Variants in EXD3 observed in about 807,000 individuals in gnomAD.
The protein encoded by EXD3 is exonuclease 3'-5' domain containing 3, also known as exonuclease mut-7 homolog.
EXD3 carries 92 observed loss-of-function variants against 98.0 expected under a neutral mutation model. The observed-to-expected ratio is 0.94, with a 90% confidence interval of 0.79 to 1.12. The LOEUF (loss-of-function observed/expected upper bound fraction) is 1.12, where lower values mean the gene tolerates loss of function less well. Ranked by LOEUF, EXD3 falls within the 50% of genes most tolerant of loss-of-function variation. The pLI is 0.00. For missense variants in EXD3, 1,222 were observed against 1,191.6 expected, an observed-to-expected ratio of 1.03 and a Z score of -0.38; for synonymous variants, 569 against 526.0, an observed-to-expected ratio of 1.08 and a Z score of -1.12.
chr9:137,351,512 C>T lies in EXD3; in HGVS notation c.1190G>A (p.Gly397Asp), dbSNP rs1405699962. ...CACAGGTGTCCACTCCACGTCTACACCAACCACTTGGTGGCACTGCGGGCA... is the reference window on the plus strand; with the variant it reads ...CACAGGTGTCCACTCCACGTCTACATCAACCACTTGGTGGCACTGCGGGCA... Reference protein sequence around the residue: ...GALLQCHQVVGVDVEWTPVFV... With the variant: ...GALLQCHQVVDVDVEWTPVFV... Residue 397 changes from glycine to aspartate, a missense_variant, in exon 13 of 22, where the codon GGT (glycine) becomes GAT (aspartate). Coordinates refer to ENST00000340951, the MANE Select transcript of EXD3 (RefSeq NM_017820.5). 1 of 1,591,596 alleles carries T rather than the reference C, an allele frequency of 6.3e-7. No homozygotes were observed. The highest frequency in any genetic ancestry group is 8.5e-7 in the Non-Finnish European group (1 of 1,170,598).
chr9:137,321,779 G>A lies in EXD3; in HGVS notation c.2184+1946C>T, dbSNP rs537566185. Among the ~76,000 whole-genome samples the A allele has an allele frequency of 2.3e-3, 355 of 152,288 alleles. 1 individual carries two copies. The highest frequency in any genetic ancestry group is 3.4e-3 in the Middle Eastern group (1 of 294). ...ATTGATGTGGCCCTAACTGCGGAAC[G>A]TTCTGGAAGCAGCCCGTACCCTCCA... is the stretch of plus-strand genomic sequence containing the variant. On this transcript the variant is annotated intron_variant, in intron 19 of 21. Coordinates refer to ENST00000340951, the MANE Select transcript of EXD3 (RefSeq NM_017820.5).
chr9:137,308,563 C>CG, intron 20 of EXD3, among the ~76,000 whole-genome samples: 1 of 151,852 alleles, frequency 6.6e-6, no homozygotes, highest in East Asian at 1.9e-4. Context: ...CCTCGCTCTC[C>CG]GGGGTGTGCT....
At chr9:137,398,017 A>T (rs1416203246) in intron 1 of EXD3, among the ~76,000 whole-genome samples, 3 of 152,260 alleles carry the variant, frequency 2.0e-5, no homozygotes, top group Admixed American at 2.0e-4. Flanking sequence ...AATGAAGATT[A>T]TATGAAACTA....
At chr9:137,373,363 G>A in intron 4 of EXD3, 63 bp downstream of exon 4, 1 of 1,554,274 alleles carries the variant, frequency 6.4e-7, no homozygotes. Flanking sequence ...TGGATGCCGG[G>A]TCCACTATGC....
chr9:137,402,129 C>T (rs1218014114), intron 1 of EXD3, among the ~76,000 whole-genome samples: 1 of 152,156 alleles, frequency 6.6e-6, no homozygotes, highest in East Asian at 1.9e-4. Context: ...GATTCTCTTG[C>T]CTCAGCCTCC....
At chr9:137,357,070 C>T (rs1036232001) in intron 7 of EXD3, among the ~76,000 whole-genome samples, 2 of 152,208 alleles carry the variant, frequency 1.3e-5, no homozygotes, top group African/African-American at 4.8e-5. Context: ...GTTCCCTTAG[C>T]ACAGGCAGGC....
chr9:137,363,283 CTTT>C (rs113879712), intron 7 of EXD3, among the ~76,000 whole-genome samples: 1 of 122,326 alleles, frequency 8.2e-6, no homozygotes, highest in African/African-American at 3.1e-5. Flanking sequence ...TTGGGCTGCG[CTTT>C]TTTTTTTTTA....
At chr9:137,361,752 A>G in intron 7 of EXD3, among the ~76,000 whole-genome samples, 1 of 151,220 alleles carries the variant, frequency 6.6e-6, no homozygotes, top group African/African-American at 2.4e-5. Flanking sequence ...TCTTAAAAAA[A>G]AAAAAAAAAA....
intron 17 of EXD3, among the ~76,000 whole-genome samples, chr9:137,330,104 GGAGCTA>G (rs1832933461): frequency 1.8e-5 from 1 of 54,830 alleles, no homozygotes; most frequent in Non-Finnish European, 3.7e-5. Context: ...GGGCTCCACA[GGAGCTA>G]CACAGGAGCT....
chr9:137,395,540 G>A lies in EXD3; in HGVS notation c.-47-136C>T. On this transcript the variant is annotated intron_variant, in intron 1 of 21. Coordinates refer to ENST00000340951, the MANE Select transcript of EXD3 (RefSeq NM_017820.5). The surrounding 1 kb of genome is among the most constrained non-coding windows in gnomAD (Gnocchi z 6.5). ...CCCAAGTGGGACCCCCAGTCGCTGA[G>A]CATAGCGGGCAGCTCCACACTCCTC... is the stretch of plus-strand genomic sequence containing the variant. 1 of 744,168 alleles carries A rather than the reference G, an allele frequency of 1.3e-6. No homozygotes were observed. Among genetic ancestry groups the A allele is most frequent in the African/African-American group, 1.8e-5 (1 of 56,742 alleles). 46.1% of individuals were successfully genotyped at this position (744,168 alleles called of 1,614,324 possible).
At chr9:137,338,484 C>A (rs1200803203) in intron 17 of EXD3, among the ~76,000 whole-genome samples, 1 of 151,776 alleles carries the variant, frequency 6.6e-6, no homozygotes, top group Non-Finnish European at 1.5e-5. Context: ...GAAACAAACC[C>A]AAGAAAGCAA....
chr9:137,328,485 A>ACGAATATACACTCATATGATG (rs1336695260), intron 17 of EXD3, among the ~76,000 whole-genome samples: 1 of 151,746 alleles, frequency 6.6e-6, no homozygotes, highest in Non-Finnish European at 1.5e-5. Context: ...AGTAAAAACA[A>ACGAATATACACTCATATGATG]AAGTAAAAAC....
rs1019684674 is a variant in EXD3 at position 137,398,220 on chromosome 9, C to T, written c.-47-2816G>A. The stretch of plus-strand genomic sequence containing the variant: ...TGTGGCTCCACGGTCCACAGCCGGG[C>T]GCCCTCTGTTCCCCTGGTGAACGGC... On this transcript the variant is annotated intron_variant, in intron 1 of 21. Coordinates refer to ENST00000340951, the MANE Select transcript of EXD3 (RefSeq NM_017820.5). Among the ~76,000 whole-genome samples the T allele has an allele frequency of 7.9e-5, 12 of 152,316 alleles. No individual in the cohort carries two copies. In the East Asian group the frequency reaches 1.5e-3, roughly 20 times the overall value.
intron 1 of EXD3, among the ~76,000 whole-genome samples, chr9:137,420,022 T>C (rs1012517564): frequency 5.3e-5 from 8 of 152,042 alleles, no homozygotes; most frequent in African/African-American, 1.7e-4. Context: ...TAGCCGGGCA[T>C]GGTGGCAGGT....
In EXD3 at chr9:137,355,483, G is replaced by A. The variant is rs1213812558; in HGVS notation, c.758-710C>T. On this transcript the variant is annotated intron_variant, in intron 8 of 21. Transcript: ENST00000340951. Reference sequence around the variant, plus strand: ...GGAGAAAGGAGGAAGGAGGAAGGAGGAAGGAGGATGGAGGAAGGAGGAAGG... The same window carrying A: ...GGAGAAAGGAGGAAGGAGGAAGGAGAAAGGAGGATGGAGGAAGGAGGAAGG... 5.5e-3 allele frequency among the ~76,000 whole-genome samples: 609 copies of A among 111,206 alleles called. 2 individuals are homozygous for A. Among genetic ancestry groups the A allele is most frequent in the African/African-American group, 0.011 (268 of 23,982 alleles). 73.0% of individuals were successfully genotyped at this position (111,206 alleles called of 152,430 possible). A position where few individuals can be genotyped will look rare whatever the true frequency, so the allele number is the denominator to read the frequency against.
At chr9:137,331,017 G>A (rs192983969) in intron 17 of EXD3, among the ~76,000 whole-genome samples, 2 of 152,294 alleles carry the variant, frequency 1.3e-5, no homozygotes, top group Admixed American at 1.3e-4. Flanking sequence ...AGTTGACCCT[G>A]CAAACGGAAT....
chr9:137,367,970 G>A lies in EXD3; in HGVS notation c.482C>T (p.Thr161Met), dbSNP rs555383988. Residue 161 changes from threonine to methionine, a missense_variant, in exon 6 of 22, where the codon ACG becomes ATG. Transcript: ENST00000340951. ...RFREAATLGA[T>M]LKLQSELGVE... ...GCCAAGCTCCGACTGCAGCTTCAAC[G>A]TCGCGCCCAGCGTGGCTGCCTGGCA... 1.9e-5 allele frequency: 30 copies of A among 1,611,528 alleles called. No individual in the cohort carries two copies. Among genetic ancestry groups the A allele is most frequent in the East Asian group, 1.8e-4 (8 of 44,884 alleles).
intron 17 of EXD3, among the ~76,000 whole-genome samples, chr9:137,333,227 C>T (rs1202980138): frequency 6.6e-6 from 1 of 152,166 alleles, no homozygotes; most frequent in Non-Finnish European, 1.5e-5. Context: ...GCTCTCGGGC[C>T]TTTGGCGGCA....
At position 137,355,419 on chromosome 9, in the gene EXD3, G is replaced by A. The variant is rs1419949394; in HGVS notation, c.758-646C>T. Among the ~76,000 whole-genome samples, 15 of 124,414 alleles carry A rather than the reference G, an allele frequency of 1.2e-4. 3 individuals carry two copies. Among genetic ancestry groups the A allele is most frequent in the African/African-American group, 4.2e-4 (12 of 28,336 alleles). 81.6% of individuals were successfully genotyped at this position (124,414 alleles called of 152,430 possible). On this transcript the variant is annotated intron_variant, in intron 8 of 21. Transcript: ENST00000340951. ...CGACCATCTGCCCTGAGGCAGGGAG[G>A]AAGGAGGAAGGAGGATGGAGGAAGG...
Sources: gnomAD v4.1 joint callset for allele counts (sites outside exome capture counted in the v4.1 genomes callset) on GRCh38, gnomAD v4.1.1 for gene constraint, Gnocchi (gnomAD v3.1) non-coding constraint, MANE v1.5 for transcripts, NCBI Gene and HGNC (gene_info 2026-07-23, HGNC 2026-07-21) for gene names.